The following SCLT1 variants were observed in gnomAD, a reference collection of about 807,000 sequenced individuals.
SCLT1 encodes sodium channel-associated protein 1.
SCLT1 carries 78 observed loss-of-function variants against 112.8 expected under a neutral mutation model. The observed-to-expected ratio is 0.69, with a 90% CI of 0.58 to 0.83. SCLT1 has a LOEUF of 0.83. Among genes scored for constraint, SCLT1 ranks in the 40% least tolerant of loss-of-function variants. SCLT1 has a pLI of 0.00. For missense variants in SCLT1, 747 were observed against 770.4 expected (o/e 0.97, Z 0.36); for synonymous variants, 257 against 254.7 (o/e 1.01, Z -0.09).
At chr4:128,927,211 T>C (rs1736368062) in intron 18 of SCLT1, among the ~76,000 whole-genome samples, 1 of 152,054 alleles carries the variant, frequency 6.6e-6, no homozygotes, top group Non-Finnish European at 1.5e-5. Flanking sequence ...TGACTGCATA[T>C]GTTTAAGAAC....
rs777292781 is a variant in SCLT1, at chr4:128,948,489, T to G, written c.1293+7A>C. 3.1e-6 allele frequency: 5 copies of G among 1,603,598 alleles called. No individual in the cohort carries two copies. Among genetic ancestry groups the G allele is most frequent in the Non-Finnish European group, 4.2e-6 (5 of 1,176,680 alleles). On this transcript the variant is annotated splice_region_variant and intron_variant, in intron 15 of 20. Coordinates refer to ENST00000281142, the MANE Select transcript of SCLT1 (RefSeq NM_144643.4). ...TTTAGGTAGTTATATTTCCTTTTTC[T>G]TTTTACCTTTTCTAGTTCTTCTTCC...
chr4:129,062,231 T>G (rs1750052765), intron 2 of SCLT1, among the ~76,000 whole-genome samples: 1 of 152,156 alleles, frequency 6.6e-6, no homozygotes. Context: ...ATGGCCATTT[T>G]GAGTTTCTGT....
At position 129,003,986 on chromosome 4, in the gene SCLT1, A is replaced by G; in HGVS notation, c.291-110T>C. On this transcript the variant is annotated intron_variant, in intron 5 of 20. Coordinates refer to ENST00000281142, the MANE Select transcript of SCLT1 (RefSeq NM_144643.4). Reference sequence around the variant, plus strand: ...CAACAATAACTCTTTAAACAAAATCATTTTTAAGTAGACTTCAAATAAAAA... The same window carrying G: ...CAACAATAACTCTTTAAACAAAATCGTTTTTAAGTAGACTTCAAATAAAAA... 12 of 919,412 alleles carry G rather than the reference A, an allele frequency of 1.3e-5. No individual in the cohort carries two copies. The South Asian group carries it at 1.5e-4, about 12-fold the overall frequency. 57.0% of individuals were successfully genotyped at this position (919,412 alleles called of 1,614,324 possible).
downstream of SCLT1, among the ~76,000 whole-genome samples, chr4:128,881,398 C>T (rs1380407995): frequency 6.6e-6 from 1 of 152,102 alleles, no homozygotes; most frequent in African/African-American, 2.4e-5. Flanking sequence ...TTTGGCAAGA[C>T]TGTGTAACTA....
chr4:129,015,341 C>T lies in SCLT1; in HGVS notation c.291-11465G>A, dbSNP rs147501700. Among the ~76,000 whole-genome samples, 904 of 152,156 alleles carry T rather than the reference C, an allele frequency of 5.9e-3. 8 individuals carry two copies. The highest frequency in any genetic ancestry group is 0.019 in the African/African-American group (779 of 41,512). On this transcript the variant is annotated intron_variant, in intron 5 of 20. Coordinates refer to ENST00000281142, the MANE Select transcript of SCLT1 (RefSeq NM_144643.4). ...GCTGGAGATCTCTGCAAGTCAGGCA[C>T]GGTCCACTAGCACACAAGCTATGAT...
At chr4:129,076,979 CAAATATTTAATATATT>C (rs1486898019) in intron 2 of SCLT1, among the ~76,000 whole-genome samples, 1 of 151,744 alleles carries the variant, frequency 6.6e-6, no homozygotes, top group East Asian at 1.9e-4. Flanking sequence ...TATAATGAGC[CAAATATTTAATATATT>C]AAATATATAA....
intron 18 of SCLT1, among the ~76,000 whole-genome samples, chr4:128,893,079 G>T (rs1211931994): frequency 6.6e-6 from 1 of 152,092 alleles, no homozygotes; most frequent in Non-Finnish European, 1.5e-5. Context: ...AAAATAAATT[G>T]TGAGTATAAT....
At chr4:129,039,937 C>A in intron 4 of SCLT1, 16 of 424,578 alleles carry the variant, frequency 3.8e-5, no homozygotes, top group South Asian at 5.6e-5. Flanking sequence ...CACACAAAAC[C>A]CTGAATTTAC....
chr4:128,987,213 C>T (rs957729507), intron 9 of SCLT1, among the ~76,000 whole-genome samples: 1 of 152,044 alleles, frequency 6.6e-6, no homozygotes, highest in African/African-American at 2.4e-5. Context: ...CGTGGAAAGC[C>T]CACTCTAGAA....
chr4:128,923,676 T>G (rs757023802), intron 18 of SCLT1, among the ~76,000 whole-genome samples: 2 of 151,910 alleles, frequency 1.3e-5, no homozygotes, highest in Non-Finnish European at 2.9e-5. Context: ...TTCATCCATG[T>G]TGTTGAGTGT....
At chr4:128,921,204 A>T (rs1735852563) in intron 18 of SCLT1, among the ~76,000 whole-genome samples, 1 of 152,218 alleles carries the variant, frequency 6.6e-6, no homozygotes, top group Non-Finnish European at 1.5e-5. Context: ...AAGAATCAAT[A>T]TTGTTAAAAT....
At chr4:128,946,428 T>C (rs566699583) in intron 15 of SCLT1, among the ~76,000 whole-genome samples, 63 of 152,088 alleles carry the variant, frequency 4.1e-4, no homozygotes, top group Non-Finnish European at 7.4e-4. Flanking sequence ...AAAAATTAGC[T>C]GGGCATGGTG....
chr4:129,072,496 A>G (rs1257236469), intron 2 of SCLT1, among the ~76,000 whole-genome samples: 1 of 151,518 alleles, frequency 6.6e-6, no homozygotes, highest in Non-Finnish European at 1.5e-5. Context: ...CTTTGTTCAT[A>G]TTTTCTTATT....
chr4:128,945,744 A>G (rs1339439684), intron 16 of SCLT1, among the ~76,000 whole-genome samples: 2 of 152,184 alleles, frequency 1.3e-5, no homozygotes, highest in African/African-American at 2.4e-5. Context: ...ATTGGTACAA[A>G]GACAACAATA....
At chr4:129,085,239 T>C (rs969860852) in intron 1 of SCLT1, among the ~76,000 whole-genome samples, 1 of 152,110 alleles carries the variant, frequency 6.6e-6, no homozygotes, top group Admixed American at 6.6e-5. Context: ...AAGACATATA[T>C]GCGGTCAGCA....
intron 20 of SCLT1, among the ~76,000 whole-genome samples, chr4:128,884,859 C>G (rs571486092): frequency 1.3e-5 from 2 of 152,174 alleles, no homozygotes; most frequent in Non-Finnish European, 2.9e-5. Context: ...GTTGCCCAGA[C>G]CAGCCTTGAA....
At chr4:128,991,963 G>A (rs557924040) in intron 9 of SCLT1, among the ~76,000 whole-genome samples, 1 of 151,732 alleles carries the variant, frequency 6.6e-6, no homozygotes, top group African/African-American at 2.4e-5. Context: ...GTATTTAAAG[G>A]TCTGACTGTA....
intron 18 of SCLT1, among the ~76,000 whole-genome samples, chr4:128,913,192 C>A (rs73850028): frequency 0.012 from 1,814 of 152,208 alleles, 32 homozygotes; most frequent in African/African-American, 0.04. Flanking sequence ...TAAAACAATT[C>A]TTTGTATTTA....
intron 2 of SCLT1, among the ~76,000 whole-genome samples, chr4:129,081,891 T>C (rs561851507): frequency 1.3e-5 from 2 of 152,304 alleles, no homozygotes; most frequent in African/African-American, 4.8e-5. Context: ...TCTGGCTAAA[T>C]AATTTTTTAA....
Sources: gnomAD v4.1 joint callset for allele counts (sites outside exome capture counted in the v4.1 genomes callset) on GRCh38, gnomAD v4.1.1 for gene constraint, MANE v1.5 for transcripts, NCBI Gene and HGNC (gene_info 2026-07-23, HGNC 2026-07-21) for gene names.